Variants in C2CD3 observed in about 807,000 individuals in gnomAD.
C2CD3 encodes C2 domain-containing protein 3.
C2CD3 carries 148 observed loss-of-function variants against 234.0 expected under a neutral mutation model. The observed-to-expected ratio is 0.63, with a 90% confidence interval of 0.55 to 0.72. The LOEUF is 0.72. Ranked by LOEUF, C2CD3 falls within the 30% of genes least tolerant of loss-of-function variation. C2CD3 has a pLI of 0.00. For synonymous variants in C2CD3, 1,000 were observed against 1,035.4 expected, an observed-to-expected ratio of 0.97 and a Z score of 0.66; for missense variants, 2,577 against 2,811.5, an observed-to-expected ratio of 0.92 and a Z score of 1.89.
chr11:74,074,315 T>C lies in C2CD3; in HGVS notation c.4889A>G (p.Asp1630Gly). The part of the protein sequence containing the change: ...EVRLTQEGPA[D>G]LDGTFAVSIL... Reference sequence around the variant, plus strand: ...GCTGACTGCAAACGTTCCATCCAAATCAGCAGGGCCCTCCTGCGTCAGGCG... The same window carrying C: ...GCTGACTGCAAACGTTCCATCCAAACCAGCAGGGCCCTCCTGCGTCAGGCG... Residue 1630 changes from aspartate (D) to glycine (G), a missense_variant, in exon 24 of 33, where the codon GAT becomes GGT. Coordinates refer to ENST00000334126, the MANE Select transcript of C2CD3 (RefSeq NM_001286577.2). The C allele has an allele frequency of 6.2e-7, 1 of 1,614,194 alleles. No individual in the cohort carries two copies. The highest frequency in any genetic ancestry group is 8.5e-7 in the Non-Finnish European group (1 of 1,180,018).
chr11:74,149,089 T>A (rs72984886), intron 3 of C2CD3, among the ~76,000 whole-genome samples: 2 of 152,034 alleles, frequency 1.3e-5, no homozygotes, highest in Admixed American at 1.3e-4. Context: ...CCAAATAACA[T>A]GATTATGTCT....
At chr11:74,106,263 C>T (rs1185113907) in intron 13 of C2CD3, 108 bp downstream of exon 13, 4 of 1,047,300 alleles carry the variant, frequency 3.8e-6, no homozygotes, top group Non-Finnish European at 5.7e-6. Flanking sequence ...AGAGATGCTA[C>T]ACAAGATCAA....
chr11:74,073,586 C>CAA (rs72379516), intron 24 of C2CD3, among the ~76,000 whole-genome samples: 5 of 114,584 alleles, frequency 4.4e-5, no homozygotes, highest in Non-Finnish European at 9.3e-5. Context: ...GACTTTGTTT[C>CAA]AAAAAAAAAA....
At chr11:74,117,805 C>T (rs1957079022) in intron 9 of C2CD3, among the ~76,000 whole-genome samples, 3 of 151,020 alleles carry the variant, frequency 2.0e-5, no homozygotes, top group African/African-American at 4.9e-5. Flanking sequence ...CCTAGCTACT[C>T]GGGAGGCTGA....
At chr11:74,047,358 A>C (rs1953431870) in intron 28 of C2CD3, among the ~76,000 whole-genome samples, 2 of 152,228 alleles carry the variant, frequency 1.3e-5, no homozygotes, top group African/African-American at 4.8e-5. Flanking sequence ...TGGGCATTAG[A>C]GATATCCTCA....
intron 2 of C2CD3, among the ~76,000 whole-genome samples, chr11:74,163,028 A>C (rs1856574602): frequency 6.6e-6 from 1 of 152,238 alleles, no homozygotes; most frequent in African/African-American, 2.4e-5. Flanking sequence ...CCAGAGGAGA[A>C]GAAATATAAT....
intron 28 of C2CD3, among the ~76,000 whole-genome samples, chr11:74,047,065 G>A (rs564190312): frequency 1.3e-5 from 2 of 152,144 alleles, no homozygotes; most frequent in Non-Finnish European, 2.9e-5. Context: ...AAAGTAATTA[G>A]CCTCAGGTCA....
intron 16 of C2CD3, among the ~76,000 whole-genome samples, chr11:74,096,686 T>C (rs1308026345): frequency 1.3e-5 from 2 of 152,300 alleles, no homozygotes; most frequent in South Asian, 4.2e-4. Flanking sequence ...AAACATTTTC[T>C]AACCTTTACT....
At chr11:74,078,764 C>T in intron 22 of C2CD3, 47 bp from the exon 23 acceptor site, 2 of 1,515,808 alleles carry the variant, frequency 1.3e-6, no homozygotes, top group Non-Finnish European at 1.8e-6. Flanking sequence ...TAAAAGTAAA[C>T]AAAAAACAAG....
In C2CD3 at chr11:74,139,757, T is replaced by C. The variant is rs781602399; in HGVS notation, c.555A>G (p.Thr185=). ...CCTGCTTAGATAAAAGCACATTTTC[T>C]GTCATGTCAGTGGTAGGAAGTGGAT... is the stretch of plus-strand genomic sequence containing the variant. ...SYHPLPTTDM[T]ENVLLSKQGF... Residue 185 remains threonine (T), a synonymous_variant, in exon 4 of 33, where the codon ACA becomes ACG. Transcript: ENST00000334126. The C allele has an allele frequency of 6.2e-7, 1 of 1,613,838 alleles. No individual in the cohort carries two copies. The highest frequency in any genetic ancestry group is 1.3e-5 in the African/African-American group (1 of 75,042).
intron 23 of C2CD3, among the ~76,000 whole-genome samples, chr11:74,077,286 T>C (rs1251609769): frequency 1.3e-5 from 2 of 152,010 alleles, no homozygotes; most frequent in African/African-American, 2.4e-5. Context: ...ATTTCATAAG[T>C]GTTAACAATG....
intron 24 of C2CD3, among the ~76,000 whole-genome samples, chr11:74,068,832 C>T (rs1469786998): frequency 6.6e-6 from 1 of 152,190 alleles, no homozygotes; most frequent in Admixed American, 6.5e-5. Flanking sequence ...GACGGAGTCT[C>T]ACTCACTCTG....
chr11:74,097,017 TG>T (rs1956134429), intron 16 of C2CD3, among the ~76,000 whole-genome samples: 1 of 151,842 alleles, frequency 6.6e-6, no homozygotes, highest in South Asian at 2.1e-4. Flanking sequence ...GGCCCAGTGG[TG>T]GGTGCCTGTA....
intron 14 of C2CD3, among the ~76,000 whole-genome samples, chr11:74,101,585 A>G (rs779467237): frequency 7.9e-5 from 12 of 152,156 alleles, no homozygotes; most frequent in Admixed American, 1.3e-4. Context: ...CTAACCTCCA[A>G]ATAAGGAAGT....
chr11:74,105,463 G>A (rs1043645340), intron 13 of C2CD3, among the ~76,000 whole-genome samples: 5 of 152,026 alleles, frequency 3.3e-5, no homozygotes, highest in African/African-American at 1.2e-4. Context: ...TAGACATGTG[G>A]TTTAGCCATG....
intron 5 of C2CD3, 48 bp downstream of exon 5, chr11:74,138,666 GAGCAAT>G: frequency 6.9e-7 from 1 of 1,453,294 alleles, no homozygotes; most frequent in Admixed American, 1.7e-5. Context: ...CTAACAAGCA[GAGCAAT>G]CCCATAAACG....
In C2CD3 at chr11:74,033,623, T is replaced by C. The variant is rs1189826331; in HGVS notation, c.6537A>G (p.Thr2179=). ...SANPQPIPCP[T]LSGAQQSSTF... ...TGCTGCTCTGTTGAGCTCCTGAGAG[T>C]GTTGGGCATGGGATGGGCTGAGGGT... Residue 2179 remains threonine, a synonymous_variant, in exon 31 of 33, where the codon ACA becomes ACG. Coordinates refer to ENST00000334126, the MANE Select transcript of C2CD3 (RefSeq NM_001286577.2). The C allele has an allele frequency of 1.6e-5, 24 of 1,535,852 alleles. No homozygotes were observed. The highest frequency in any genetic ancestry group is 2.1e-5 in the Non-Finnish European group (24 of 1,146,848).
chr11:74,057,653 T>C, intron 24 of C2CD3, 109 bp from the exon 25 acceptor site: 2 of 1,114,816 alleles, frequency 1.8e-6, no homozygotes, highest in Non-Finnish European at 2.6e-6. Context: ...ATGGGGTCTT[T>C]GCTCAAGCTA....
intron 28 of C2CD3, among the ~76,000 whole-genome samples, chr11:74,044,229 A>G (rs2135424369): frequency 6.6e-6 from 1 of 152,152 alleles, no homozygotes; most frequent in African/African-American, 2.4e-5. Flanking sequence ...AGGCCGAGGC[A>G]GGTGGATCAC....
Sources: allele counts gnomAD v4.1 joint callset (sites outside exome capture counted in the v4.1 genomes callset), GRCh38; gene constraint gnomAD v4.1.1; transcripts MANE v1.5; gene names NCBI Gene and HGNC (gene_info 2026-07-23, HGNC 2026-07-21).